CSMD1: variants seen among roughly 807,000 people sequenced by gnomAD.
CSMD1 encodes the protein CUB and Sushi multiple domains 1, also known as CUB and sushi domain-containing protein 1.
In CSMD1, 213 loss-of-function variants were observed where a neutral mutation model predicts 417.5. The ratio of observed to expected loss-of-function variants is 0.51; its 90% CI spans 0.46 to 0.57. CSMD1 has a LOEUF of 0.57. Among genes scored for constraint, CSMD1 ranks in the 20% least tolerant of loss-of-function variants. The pLI, the probability that CSMD1 is intolerant of heterozygous loss-of-function variation, is 0.00. For synonymous variants in CSMD1, 2,862 were observed against 1,736.8 expected (o/e 1.65, Z -16.11); for missense variants, 6,923 against 4,529.7 (o/e 1.53, Z -15.17).
chr8:3,891,180 G>A (rs1245873169), intron 5 of CSMD1, among the ~76,000 whole-genome samples: 4 of 151,936 alleles, frequency 2.6e-5, no homozygotes, highest in African/African-American at 9.7e-5. Flanking sequence ...CAAGAAGCTG[G>A]GACCACAGGC....
At chr8:3,959,716 G>A (rs1011472894) in intron 5 of CSMD1, among the ~76,000 whole-genome samples, 3 of 152,134 alleles carry the variant, frequency 2.0e-5, no homozygotes, top group Admixed American at 2.0e-4. Context: ...CCTGAACACA[G>A]AATGTTTTGA....
chr8:4,568,891 CAT>C (rs1585262756), intron 2 of CSMD1, among the ~76,000 whole-genome samples: 1 of 152,068 alleles, frequency 6.6e-6, no homozygotes. Context: ...TCCTTTTTTT[CAT>C]ATGTTTTTGG....
chr8:3,727,412 C>T (rs1372318739), intron 6 of CSMD1, among the ~76,000 whole-genome samples: 1 of 152,132 alleles, frequency 6.6e-6, no homozygotes, highest in Non-Finnish European at 1.5e-5. Flanking sequence ...TACCTCAGCT[C>T]AGATGGGCTT....
Position 3,997,969 on chromosome 8 carries a change from G to T in CSMD1, c.752C>A (p.Thr251Asn), listed in dbSNP as rs1409861255. Reference protein sequence around the residue: ...EPGDTIALVFTDFQLEEGYDF... With the variant: ...EPGDTIALVFNDFQLEEGYDF... ...ATATCCTTCTTCTAGCTGAAAGTCAGTGAAGACCAGCGCAATGGTGTCCCC... is the reference window on the plus strand; with the variant it reads ...ATATCCTTCTTCTAGCTGAAAGTCATTGAAGACCAGCGCAATGGTGTCCCC... The change falls in exon 5 of 70, where the codon ACT becomes AAT. Residue 251 changes from threonine to asparagine, a missense_variant. Physicochemically the swap from Thr to Asn is moderately conservative, Grantham distance 65. Coordinates refer to ENST00000635120, the MANE Select transcript of CSMD1 (RefSeq NM_033225.6). 6.2e-7 allele frequency: 1 copy of T among 1,611,474 alleles called. No individual in the cohort carries two copies. The highest frequency in any genetic ancestry group is 2.2e-5 in the East Asian group (1 of 44,812).
At chr8:4,669,614 T>C (rs899932521) in intron 1 of CSMD1, among the ~76,000 whole-genome samples, 44 of 152,204 alleles carry the variant, frequency 2.9e-4, no homozygotes, top group Admixed American at 2.5e-3. Flanking sequence ...TAAGTATTTC[T>C]GTTTAGAAAC....
intron 52 of CSMD1, among the ~76,000 whole-genome samples, chr8:3,002,166 T>C (rs1807460079): frequency 6.6e-6 from 1 of 152,152 alleles, no homozygotes; most frequent in Non-Finnish European, 1.5e-5. Context: ...CTCCCACATA[T>C]GAGACTTGAT....
intron 18 of CSMD1, among the ~76,000 whole-genome samples, chr8:3,371,924 C>T (rs1809978697): frequency 6.6e-6 from 1 of 152,140 alleles, no homozygotes; most frequent in African/African-American, 2.4e-5. Context: ...TTCAACAAAT[C>T]GTTATTGGGC....
intron 5 of CSMD1, among the ~76,000 whole-genome samples, chr8:3,940,896 G>C (rs974645796): frequency 7.6e-6 from 1 of 131,818 alleles, no homozygotes; most frequent in Non-Finnish European, 1.6e-5. Flanking sequence ...TTCTCCCCCC[G>C]AGATTATGTC....
chr8:4,197,133 C>T (rs147485214), intron 3 of CSMD1, among the ~76,000 whole-genome samples: 3 of 152,126 alleles, frequency 2.0e-5, no homozygotes, highest in Admixed American at 2.0e-4. Context: ...AGTTCCCAGA[C>T]AAACTACAAC....
intron 3 of CSMD1, among the ~76,000 whole-genome samples, chr8:4,170,119 C>T (rs775671504): frequency 6.6e-6 from 1 of 151,806 alleles, no homozygotes; most frequent in Non-Finnish European, 1.5e-5. Flanking sequence ...TGTTTTCTCC[C>T]TCCAGGGGCT....
At chr8:4,577,628 T>G (rs376889229) in intron 2 of CSMD1, among the ~76,000 whole-genome samples, 1 of 152,178 alleles carries the variant, frequency 6.6e-6, no homozygotes, top group Non-Finnish European at 1.5e-5. Context: ...GTCTTACTCT[T>G]CACACCTCAA....
rs75330212 is a variant in CSMD1, at chr8:3,708,074, C to A, written c.1009+340G>T. On this transcript the variant is annotated intron_variant, in intron 7 of 69. Coordinates refer to ENST00000635120, the MANE Select transcript of CSMD1 (RefSeq NM_033225.6). ...CAACTTCTCCTTTGCAGAGATCAGT[C>A]TGGTCTGGTGTGTGTGGGGTGTGCA... is the stretch of plus-strand genomic sequence containing the variant. 2.8e-3 allele frequency among the ~76,000 whole-genome samples: 425 copies of A among 152,252 alleles called. 2 individuals carry two copies. Among genetic ancestry groups the A allele is most frequent in the Middle Eastern group, 0.02 (6 of 294 alleles).
chr8:4,900,189 CA>C (rs996115212), intron 1 of CSMD1, among the ~76,000 whole-genome samples: 1 of 152,150 alleles, frequency 6.6e-6, no homozygotes, highest in African/African-American at 2.4e-5. Flanking sequence ...CCCAAAGTGA[CA>C]GGGGTATGAA....
chr8:3,110,463 G>C (rs1429429244), intron 42 of CSMD1, 128 bp from the exon 43 acceptor site: 1 of 707,240 alleles, frequency 1.4e-6, no homozygotes, highest in Non-Finnish European at 2.1e-6. Context: ...AAATATTTCT[G>C]AATCACCATT....
intron 3 of CSMD1, among the ~76,000 whole-genome samples, chr8:4,157,855 T>C (rs577933225): frequency 2.0e-5 from 3 of 152,256 alleles, no homozygotes; most frequent in Admixed American, 2.0e-4. Flanking sequence ...AACAGGATGC[T>C]GAAGTTGGGC....
intron 2 of CSMD1, among the ~76,000 whole-genome samples, chr8:4,427,054 C>A (rs1015261212): frequency 6.6e-6 from 1 of 151,970 alleles, no homozygotes; most frequent in African/African-American, 2.4e-5. Context: ...CGGAACAGCC[C>A]CAGAGAGCTT....
At chr8:4,026,342 T>A (rs533233500) in intron 4 of CSMD1, among the ~76,000 whole-genome samples, 1 of 152,198 alleles carries the variant, frequency 6.6e-6, no homozygotes, top group Admixed American at 6.5e-5. Flanking sequence ...TAATCTATAA[T>A]ACAGAAGAAC....
At chr8:3,662,141 G>C (rs542752927) in intron 7 of CSMD1, among the ~76,000 whole-genome samples, 1 of 152,242 alleles carries the variant, frequency 6.6e-6, no homozygotes, top group African/African-American at 2.4e-5. Flanking sequence ...CTTCACAAAA[G>C]ATTTAGGCTA....
chr8:3,126,469 C>A (rs1300750697), intron 41 of CSMD1, among the ~76,000 whole-genome samples: 1 of 152,142 alleles, frequency 6.6e-6, no homozygotes, highest in South Asian at 2.1e-4. Context: ...AAGGTGTACA[C>A]TGAAGACTTT....
Sources: allele counts gnomAD v4.1 joint callset (sites outside exome capture counted in the v4.1 genomes callset), GRCh38; gene constraint gnomAD v4.1.1; transcripts MANE v1.5; gene names NCBI Gene and HGNC (gene_info 2026-07-23, HGNC 2026-07-21).